The following ZFAND6 variants were observed in gnomAD, a reference collection of about 807,000 sequenced individuals.
The protein encoded by ZFAND6 is zinc finger AN1-type containing 6.
A neutral mutation model predicts 24.5 loss-of-function variants in ZFAND6; 12 were observed. The ratio of observed to expected loss-of-function variants is 0.49; its 90% CI spans 0.31 to 0.79. The LOEUF (loss-of-function observed/expected upper bound fraction) is 0.79, where lower values mean the gene tolerates loss of function less well. ZFAND6 is among the 30% of genes least tolerant of loss of function. The pLI is 0.04. For missense variants in ZFAND6, 207 were observed against 245.9 expected (o/e 0.84, Z 1.06); for synonymous variants, 92 against 81.5 (o/e 1.13, Z -0.69).
chr15:80,094,630 A>G (rs1189949700), intron 1 of ZFAND6, among the ~76,000 whole-genome samples: 1 of 152,188 alleles, frequency 6.6e-6, no homozygotes, highest in African/African-American at 2.4e-5. Flanking sequence ...TAAGTTGCTT[A>G]CATCATGTTC....
intron 2 of ZFAND6, among the ~76,000 whole-genome samples, chr15:80,099,237 G>A (rs901009640): frequency 6.6e-6 from 1 of 151,966 alleles, no homozygotes; most frequent in Admixed American, 6.6e-5. Context: ...AAGAATCTAT[G>A]GTAGGGTGGT....
At chr15:80,106,446 T>C (rs1446681569) in intron 2 of ZFAND6, among the ~76,000 whole-genome samples, 1 of 152,206 alleles carries the variant, frequency 6.6e-6, no homozygotes, top group African/African-American at 2.4e-5. Context: ...AATTGAGCAG[T>C]TATGACAGAC....
chr15:80,137,416 A>T (rs2040913951), intron 6 of ZFAND6, 64 bp from the exon 7 acceptor site: 1 of 1,545,470 alleles, frequency 6.5e-7, no homozygotes, highest in Non-Finnish European at 8.7e-7. Context: ...GTTCAGTATT[A>T]ATTATGCCAA....
At chr15:80,088,976 C>CGCAA (rs1273723992) in intron 1 of ZFAND6, among the ~76,000 whole-genome samples, 3 of 152,086 alleles carry the variant, frequency 2.0e-5, no homozygotes, top group Admixed American at 1.3e-4. Flanking sequence ...CCACCATAAT[C>CGCAA]TTGCCCTTGC....
intron 2 of ZFAND6, among the ~76,000 whole-genome samples, chr15:80,118,858 A>C (rs1051839559): frequency 1.3e-5 from 2 of 152,154 alleles, no homozygotes; most frequent in Non-Finnish European, 2.9e-5. Flanking sequence ...CTCACTACCC[A>C]TCAACAGTCT....
At chr15:80,107,409 A>G (rs904669181) in intron 2 of ZFAND6, among the ~76,000 whole-genome samples, 9 of 152,170 alleles carry the variant, frequency 5.9e-5, no homozygotes, top group Admixed American at 2.0e-4. Flanking sequence ...CTATTATAGT[A>G]TGGTTTGGTG....
At chr15:80,118,165 A>G (rs1169934037) in intron 2 of ZFAND6, among the ~76,000 whole-genome samples, 4 of 152,114 alleles carry the variant, frequency 2.6e-5, no homozygotes, top group Non-Finnish European at 5.9e-5. Flanking sequence ...TCTGTTGCCC[A>G]GGCTGGAGTG....
chr15:80,128,317 G>GT (rs1416393684), intron 5 of ZFAND6, among the ~76,000 whole-genome samples: 5 of 152,150 alleles, frequency 3.3e-5, no homozygotes, highest in African/African-American at 1.2e-4. Flanking sequence ...GAATTTTATG[G>GT]TATGTGAAAT....
intron 1 of ZFAND6, among the ~76,000 whole-genome samples, chr15:80,077,368 A>G (rs1276406222): frequency 2.6e-5 from 4 of 152,244 alleles, no homozygotes; most frequent in African/African-American, 9.6e-5. Context: ...TGACGTGAAC[A>G]GAAAAATAGT....
chr15:80,103,332 C>G (rs773270039), intron 2 of ZFAND6, among the ~76,000 whole-genome samples: 1 of 152,262 alleles, frequency 6.6e-6, no homozygotes, highest in Non-Finnish European at 1.5e-5. Flanking sequence ...AGCACTTACT[C>G]TAATACATAC....
At chr15:80,134,827 TGAC>T (rs1159782423) in intron 6 of ZFAND6, among the ~76,000 whole-genome samples, 1 of 152,178 alleles carries the variant, frequency 6.6e-6, no homozygotes. Flanking sequence ...GAAAACAGAT[TGAC>T]ACTAGACAGT....
At chr15:80,072,866 A>T (rs766768511) in intron 1 of ZFAND6, among the ~76,000 whole-genome samples, 3 of 151,978 alleles carry the variant, frequency 2.0e-5, no homozygotes, top group Non-Finnish European at 4.4e-5. Flanking sequence ...AGTTCAGAAT[A>T]TGAGTGTCAT....
chr15:80,065,004 T>G (rs1429879582), intron 1 of ZFAND6, among the ~76,000 whole-genome samples: 18 of 22,606 alleles, frequency 8.0e-4, no homozygotes, highest in Non-Finnish European at 2.8e-3. Context: ...CTCTCCCCCT[T>G]TTTTTTTTTT....
At chr15:80,111,736 TTAAC>T (rs1176666163) in intron 2 of ZFAND6, among the ~76,000 whole-genome samples, 2 of 152,222 alleles carry the variant, frequency 1.3e-5, no homozygotes, top group Non-Finnish European at 2.9e-5. Flanking sequence ...GCATTCTTAT[TTAAC>T]TAAACGTGTA....
At chr15:80,111,032 CA>C (rs1412615833) in intron 2 of ZFAND6, among the ~76,000 whole-genome samples, 1 of 152,130 alleles carries the variant, frequency 6.6e-6, no homozygotes, top group Non-Finnish European at 1.5e-5. Context: ...ACATAGTAGG[CA>C]GATTGAAGCT....
rs559038721 is a variant in ZFAND6, at chr15:80,102,747, T to C, written c.-18+4169T>C. Among the ~76,000 whole-genome samples the C allele has an allele frequency of 2.8e-3, 434 of 152,298 alleles. 1 individual carries two copies. Among genetic ancestry groups the C allele is most frequent in the African/African-American group, 0.01 (421 of 41,564 alleles). ...TGGATTTCAGCACTGATAATCACTT[T>C]TACTTTGTGCTTAGAAATAGTGTAG... is the stretch of plus-strand genomic sequence containing the variant. On this transcript the variant is annotated intron_variant, in intron 2 of 6. Coordinates refer to ENST00000261749, the MANE Select transcript of ZFAND6 (RefSeq NM_019006.4).
chr15:80,073,860 C>T (rs1567052714), intron 1 of ZFAND6, among the ~76,000 whole-genome samples: 1 of 151,696 alleles, frequency 6.6e-6, no homozygotes, highest in Non-Finnish European at 1.5e-5. Context: ...TTTGAATTGT[C>T]TACTTTTAGG....
intron 2 of ZFAND6, chr15:80,112,896 G>A (rs770554049): frequency 2.2e-6 from 1 of 455,830 alleles, no homozygotes; most frequent in South Asian, 1.5e-5. Flanking sequence ...AAATTAGAGT[G>A]TACCACAAAT....
At chr15:80,088,698 C>T (rs1225398065) in intron 1 of ZFAND6, among the ~76,000 whole-genome samples, 4 of 152,138 alleles carry the variant, frequency 2.6e-5, no homozygotes, top group South Asian at 2.1e-4. Context: ...CTTCATTTAC[C>T]CTCTTTTCTT....
Sources: gnomAD v4.1 joint callset for allele counts (sites outside exome capture counted in the v4.1 genomes callset) on GRCh38, gnomAD v4.1.1 for gene constraint, MANE v1.5 for transcripts, NCBI Gene and HGNC (gene_info 2026-07-23, HGNC 2026-07-21) for gene names.